CADPS: variants seen among roughly 807,000 people sequenced by gnomAD.
The protein encoded by CADPS is calcium dependent secretion activator, also known as calcium-dependent secretion activator 1.
CADPS carries 57 observed loss-of-function variants against 167.3 expected under a neutral mutation model. The ratio of observed to expected loss-of-function variants is 0.34; its 90% confidence interval spans 0.28 to 0.42. The LOEUF (loss-of-function observed/expected upper bound fraction) is 0.42, where lower values mean the gene tolerates loss of function less well. Among genes scored for constraint, CADPS ranks in the 20% least tolerant of loss-of-function variants. CADPS has a pLI of 1.00. For missense variants in CADPS, 1,414 were observed against 1,738.1 expected (o/e 0.81, Z 3.32); for synonymous variants, 676 against 635.3 (o/e 1.06, Z -0.96).
intron 2 of CADPS, among the ~76,000 whole-genome samples, chr3:62,763,378 G>C (rs1019942713): frequency 3.3e-5 from 5 of 152,232 alleles, no homozygotes; most frequent in Non-Finnish European, 7.3e-5. Flanking sequence ...GATGAGTACA[G>C]TCGAGAGGTG....
chr3:62,512,579 C>T (rs1255399742), intron 17 of CADPS, among the ~76,000 whole-genome samples, 172 bp downstream of exon 17: 1 of 152,108 alleles, frequency 6.6e-6, no homozygotes, highest in Non-Finnish European at 1.5e-5. Flanking sequence ...AGGTCAACAT[C>T]AAATGGGCAT....
rs112261873 is a variant in CADPS at position 62,637,639 on chromosome 3, C to T, written c.1325+8083G>A. Among the ~76,000 whole-genome samples, 576 of 152,238 alleles carry T rather than the reference C, an allele frequency of 3.8e-3. 4 individuals carry two copies. The highest frequency in any genetic ancestry group is 0.012 in the African/African-American group (506 of 41,534). The stretch of plus-strand genomic sequence containing the variant: ...ACCGAATTTATGGAAAGGAAATGCA[C>T]GCTTTTAGATAGTTTTGTTGAATAT... On this transcript the variant is annotated intron_variant, in intron 6 of 29. Transcript: ENST00000383710.
At position 62,421,653 on chromosome 3, in the gene CADPS, T is replaced by C. The variant is rs2051418126; in HGVS notation, c.3777+16451A>G. Among the ~76,000 whole-genome samples the C allele has an allele frequency of 1.3e-5, 2 of 152,152 alleles. No individual in the cohort carries two copies. On this transcript the variant is annotated intron_variant, in intron 28 of 29. Coordinates refer to ENST00000383710, the MANE Select transcript of CADPS (RefSeq NM_003716.4). The surrounding 1 kb of genome is among the most constrained non-coding windows in gnomAD (Gnocchi z 4.7). ...CCCCACCCCTCCTGACGCTTCCCCC[T>C]TTTCCCCCCAAAGGAGGGGGAAGGG...
intron 6 of CADPS, 126 bp from the exon 7 acceptor site, chr3:62,592,874 C>A: frequency 1.8e-6 from 1 of 570,554 alleles, no homozygotes; most frequent in Non-Finnish European, 3.1e-6. Flanking sequence ...ACATCCTCTT[C>A]TCCTCCCCTT....
At chr3:62,745,743 T>C (rs79279328) in intron 3 of CADPS, among the ~76,000 whole-genome samples, 2 of 152,190 alleles carry the variant, frequency 1.3e-5, no homozygotes, top group African/African-American at 4.8e-5. Flanking sequence ...AATGTGGGCA[T>C]TTAAGCTCCT....
intron 3 of CADPS, among the ~76,000 whole-genome samples, chr3:62,688,121 A>C (rs996311992): frequency 3.9e-5 from 6 of 152,062 alleles, no homozygotes; most frequent in African/African-American, 1.4e-4. Context: ...CCATTGCAGC[A>C]CTACTAGCAT....
At chr3:62,518,324 G>A (rs554667576) in intron 13 of CADPS, 74 bp from the exon 14 acceptor site, 1 of 1,109,898 alleles carries the variant, frequency 9.0e-7, no homozygotes, top group Non-Finnish European at 1.3e-6. Flanking sequence ...CTAGCAGGAG[G>A]AAACTGTCCA....
chr3:62,815,456 A>C (rs2094570561), intron 1 of CADPS, among the ~76,000 whole-genome samples: 1 of 152,032 alleles, frequency 6.6e-6, no homozygotes, highest in Non-Finnish European at 1.5e-5. Flanking sequence ...GGCAGGGGGC[A>C]GGATGGGTCT....
At chr3:62,476,834 A>G (rs1423701576) in intron 23 of CADPS, among the ~76,000 whole-genome samples, 1 of 152,060 alleles carries the variant, frequency 6.6e-6, no homozygotes. Context: ...TCACGCAAAA[A>G]GTTTTTTTAT....
At chr3:62,522,020 C>A (rs1330508173) in intron 13 of CADPS, among the ~76,000 whole-genome samples, 3 of 152,106 alleles carry the variant, frequency 2.0e-5, no homozygotes, top group Admixed American at 6.6e-5. Flanking sequence ...TGTGCCTTGA[C>A]CAGACTGTCC....
intron 26 of CADPS, among the ~76,000 whole-genome samples, chr3:62,451,036 C>G (rs775766784): frequency 1.3e-5 from 2 of 151,780 alleles, no homozygotes; most frequent in Non-Finnish European, 2.9e-5. Context: ...ATATTTAAGT[C>G]TTAATTTTTT....
intron 3 of CADPS, among the ~76,000 whole-genome samples, chr3:62,706,703 G>A (rs1342288070): frequency 6.6e-6 from 1 of 152,054 alleles, no homozygotes; most frequent in Non-Finnish European, 1.5e-5. Flanking sequence ...TTCATATGGT[G>A]ATTTCTCTGT....
intron 3 of CADPS, among the ~76,000 whole-genome samples, chr3:62,748,083 G>T (rs1044025642): frequency 8.6e-5 from 13 of 150,962 alleles, no homozygotes; most frequent in African/African-American, 3.2e-4. Flanking sequence ...TACTTTGGGA[G>T]GCTGAGGCGG....
At chr3:62,862,656 C>CAT (rs1194279493) in intron 1 of CADPS, among the ~76,000 whole-genome samples, 1 of 152,170 alleles carries the variant, frequency 6.6e-6, no homozygotes, top group East Asian at 1.9e-4. Flanking sequence ...TGAAATGTGA[C>CAT]ATACATTTAA....
rs2059835070 is a variant in CADPS at position 62,465,478 on chromosome 3, T to C, written c.3553-28A>G. 6.7e-7 allele frequency: 1 copy of C among 1,492,924 alleles called. No individual in the cohort carries two copies. Among genetic ancestry groups the C allele is most frequent in the Middle Eastern group, 1.7e-4 (1 of 5,734 alleles). The allele number at this position is 1,492,924 out of a possible 1,614,324, so 92.5% of individuals were successfully genotyped here. A position where few individuals can be genotyped will look rare whatever the true frequency, so the allele number is the denominator to read the frequency against. The stretch of plus-strand genomic sequence containing the variant: ...AGAAAAACAGCAAAAAAGAAAAAAA[T>C]GTTATTTCAAACTATAATTGTTCAC... On this transcript the variant is annotated intron_variant, in intron 25 of 29. Coordinates refer to ENST00000383710, the MANE Select transcript of CADPS (RefSeq NM_003716.4). The surrounding 1 kb of genome is among the most constrained non-coding windows in gnomAD (Gnocchi z 4.1).
chr3:62,811,991 T>TA (rs2094414296), intron 1 of CADPS, among the ~76,000 whole-genome samples: 1 of 152,172 alleles, frequency 6.6e-6, no homozygotes, highest in South Asian at 2.1e-4. Context: ...TAAGACTAAA[T>TA]AATATGTTTA....
chr3:62,868,580 C>A (rs760767127), intron 1 of CADPS, among the ~76,000 whole-genome samples: 2 of 152,072 alleles, frequency 1.3e-5, no homozygotes, highest in African/African-American at 2.4e-5. Flanking sequence ...GCTTTGTGGA[C>A]AAAATGCATT....
At chr3:62,496,080 T>C (rs959163241) in intron 18 of CADPS, among the ~76,000 whole-genome samples, 18 of 151,996 alleles carry the variant, frequency 1.2e-4, no homozygotes, top group Admixed American at 3.9e-4. Context: ...TTTCTTTTTT[T>C]TTTTTTTAAT....
At chr3:62,407,143 A>G (rs1162285244) in intron 28 of CADPS, among the ~76,000 whole-genome samples, 2 of 152,012 alleles carry the variant, frequency 1.3e-5, no homozygotes, top group Non-Finnish European at 2.9e-5. Flanking sequence ...CAACATCATC[A>G]TCATCATCAT....
Sources: gnomAD v4.1 joint callset for allele counts (sites outside exome capture counted in the v4.1 genomes callset) on GRCh38, gnomAD v4.1.1 for gene constraint, Gnocchi (gnomAD v3.1) non-coding constraint, MANE v1.5 for transcripts, NCBI Gene and HGNC (gene_info 2026-07-23, HGNC 2026-07-21) for gene names.